The following PRKG1 variants were observed in gnomAD, a reference collection of about 807,000 sequenced individuals.
The protein encoded by PRKG1 is cGMP-dependent protein kinase 1.
A neutral mutation model predicts 88.1 loss-of-function variants in PRKG1; 35 were observed. The observed-to-expected ratio is 0.40, with a 90% CI of 0.30 to 0.53. PRKG1 has a LOEUF of 0.53. Ranked by LOEUF, PRKG1 falls within the 20% of genes least tolerant of loss-of-function variation. The probability of loss-of-function intolerance (pLI) is 0.59; values close to 1 mark genes in which losing one functional copy is unlikely to be tolerated. For missense variants in PRKG1, 540 were observed against 839.8 expected (o/e 0.64, Z 4.41); for synonymous variants, 303 against 292.5 (o/e 1.04, Z -0.37).
intron 3 of PRKG1, among the ~76,000 whole-genome samples, chr10:51,571,104 A>G (rs1837741363): frequency 6.6e-6 from 1 of 151,966 alleles, no homozygotes; most frequent in African/African-American, 2.4e-5. Flanking sequence ...GATTCTCTGC[A>G]TTTGACGTGC....
At chr10:51,856,360 G>T (rs1250326316) in intron 4 of PRKG1, among the ~76,000 whole-genome samples, 1 of 152,090 alleles carries the variant, frequency 6.6e-6, no homozygotes, top group Non-Finnish European at 1.5e-5. Context: ...TTCTAGTTAG[G>T]CAAAGATGTA....
At chr10:52,036,945 G>A (rs916389718) in intron 5 of PRKG1, among the ~76,000 whole-genome samples, 51 of 152,134 alleles carry the variant, frequency 3.4e-4, no homozygotes, top group African/African-American at 7.9e-4. Context: ...AAGGGGACGG[G>A]CTTACCTTCC....
chr10:51,287,034 C>T (rs1314077345), intron 2 of PRKG1, among the ~76,000 whole-genome samples: 3 of 152,112 alleles, frequency 2.0e-5, no homozygotes, highest in Admixed American at 1.3e-4. Flanking sequence ...TATGCCACCA[C>T]GCTTTGCTAA....
intron 4 of PRKG1, among the ~76,000 whole-genome samples, chr10:51,862,459 C>T (rs1055894270): frequency 6.6e-6 from 1 of 152,118 alleles, no homozygotes; most frequent in Non-Finnish European, 1.5e-5. Flanking sequence ...TGTTGAGCAA[C>T]AGAAAACCTC....
intron 8 of PRKG1, among the ~76,000 whole-genome samples, chr10:52,156,003 G>A (rs1417017577): frequency 1.3e-5 from 2 of 151,840 alleles, no homozygotes; most frequent in Admixed American, 1.3e-4. Flanking sequence ...ATTTTCAAAT[G>A]GTGGTACCTT....
chr10:51,269,980 T>C (rs1361340659), intron 2 of PRKG1, among the ~76,000 whole-genome samples: 1 of 152,196 alleles, frequency 6.6e-6, no homozygotes, highest in Non-Finnish European at 1.5e-5. Context: ...TCAGTGCACA[T>C]AGAAAACCAC....
chr10:51,750,684 G>A (rs1427366132), intron 3 of PRKG1, among the ~76,000 whole-genome samples: 1 of 152,134 alleles, frequency 6.6e-6, no homozygotes, highest in East Asian at 1.9e-4. Context: ...AGACTATGAG[G>A]CTTTGCACTG....
chr10:52,115,174 CA>C (rs1287300111), intron 7 of PRKG1, among the ~76,000 whole-genome samples: 1 of 151,324 alleles, frequency 6.6e-6, no homozygotes, highest in Non-Finnish European at 1.5e-5. Flanking sequence ...TCTCTAAGGA[CA>C]AAAAAAGAAA....
chr10:51,179,279 C>T (rs1032000142), intron 2 of PRKG1, among the ~76,000 whole-genome samples: 2 of 152,158 alleles, frequency 1.3e-5, no homozygotes, highest in African/African-American at 2.4e-5. Context: ...GTCAAGAAGA[C>T]ATCTCCTGCA....
At chr10:51,306,241 T>C (rs888279177) in intron 2 of PRKG1, among the ~76,000 whole-genome samples, 9 of 152,216 alleles carry the variant, frequency 5.9e-5, no homozygotes, top group Non-Finnish European at 1.0e-4. Context: ...ATATGGCATT[T>C]GTACCCAAAT....
intron 2 of PRKG1, among the ~76,000 whole-genome samples, chr10:51,191,532 TCTAA>T (rs749556404): frequency 4.6e-5 from 7 of 152,006 alleles, no homozygotes; most frequent in South Asian, 4.1e-4. Flanking sequence ...CATTTTGTTT[TCTAA>T]CTGTCAAAGT....
intron 2 of PRKG1, among the ~76,000 whole-genome samples, chr10:51,276,075 A>G (rs1840109272): frequency 6.6e-6 from 1 of 151,608 alleles, no homozygotes; most frequent in African/African-American, 2.4e-5. Context: ...CTAACTCATC[A>G]TTTATATTAG....
rs1845998511 is a variant in PRKG1, at chr10:52,051,988, C to T, written c.763-2496C>T. Among the ~76,000 whole-genome samples the T allele has an allele frequency of 2.0e-5, 3 of 152,264 alleles. No homozygotes were observed. In the South Asian group the frequency reaches 6.2e-4, roughly 32 times the overall value. On this transcript the variant is annotated intron_variant, in intron 5 of 17. Transcript: ENST00000373980. ...GTGGGAAAGATGTTCTCCTCTCCCG[C>T]TTGTCCCAAAGCTACAACTGTAACT...
At chr10:51,340,880 A>G (rs1413297511) in intron 2 of PRKG1, among the ~76,000 whole-genome samples, 2 of 152,190 alleles carry the variant, frequency 1.3e-5, no homozygotes, top group African/African-American at 4.8e-5. Context: ...CATTTTATCC[A>G]TATTAAAAAG....
rs1274230821 is a variant in PRKG1 at position 51,581,347 on chromosome 10, AG to A, written c.592+113513del. Among the ~76,000 whole-genome samples, 6 of 152,282 alleles carry A rather than the reference AG, an allele frequency of 3.9e-5. No individual in the cohort carries two copies. In the East Asian group the frequency reaches 1.2e-3, roughly 30 times the overall value. ...CTGGTTACAAACAATCCATAGAAAC[AG>A]GACGTGAAGCTAGACAACCGGTTAT... is the stretch of plus-strand genomic sequence containing the variant. On this transcript the variant is annotated intron_variant, in intron 3 of 17. Transcript: ENST00000373980.
intron 1 of PRKG1, among the ~76,000 whole-genome samples, chr10:51,146,013 G>A (rs7899586): frequency 0.023 from 3,495 of 151,564 alleles, 119 homozygotes; most frequent in African/African-American, 0.077. Flanking sequence ...CTAAAAATAC[G>A]AAAAAACAAA....
intron 4 of PRKG1, among the ~76,000 whole-genome samples, chr10:51,869,447 G>A (rs1841101409): frequency 6.6e-6 from 1 of 151,776 alleles, no homozygotes; most frequent in African/African-American, 2.4e-5. Context: ...AAAACAATCA[G>A]CATTCTAAAT....
intron 2 of PRKG1, among the ~76,000 whole-genome samples, chr10:51,456,569 T>C (rs1051906747): frequency 1.6e-4 from 24 of 151,746 alleles, no homozygotes; most frequent in Admixed American, 1.4e-3. Flanking sequence ...CAAAAGCAAA[T>C]GCAACAAAAC....
chr10:51,728,002 G>T (rs1014396783), intron 3 of PRKG1, among the ~76,000 whole-genome samples: 2 of 152,018 alleles, frequency 1.3e-5, no homozygotes, highest in African/African-American at 2.4e-5. Context: ...TTGCTTTAAT[G>T]AATAGTTGAC....
Sources: gnomAD v4.1 joint callset for allele counts (sites outside exome capture counted in the v4.1 genomes callset) on GRCh38, gnomAD v4.1.1 for gene constraint, MANE v1.5 for transcripts, NCBI Gene and HGNC (gene_info 2026-07-23, HGNC 2026-07-21) for gene names.